MTMR7: variants seen among roughly 807,000 people sequenced by gnomAD.
MTMR7 encodes phosphatidylinositol-3-phosphate phosphatase MTMR7.
MTMR7 carries 76 observed loss-of-function variants against 81.2 expected under a neutral mutation model. That is an observed-to-expected ratio of 0.94 (90% confidence interval 0.78 to 1.13). The LOEUF (loss-of-function observed/expected upper bound fraction) is 1.13, where lower values mean the gene tolerates loss of function less well. MTMR7 is among the 50% of genes most tolerant of loss of function. The pLI, the probability that MTMR7 is intolerant of heterozygous loss-of-function variation, is 0.00. For synonymous variants in MTMR7, 372 were observed against 289.8 expected (o/e 1.28, Z -2.88); for missense variants, 1,044 against 820.0 (o/e 1.27, Z -3.34).
At chr8:17,308,591 TA>T (rs1391419726) in intron 10 of MTMR7, among the ~76,000 whole-genome samples, 1 of 152,208 alleles carries the variant, frequency 6.6e-6, no homozygotes, top group African/African-American at 2.4e-5. Flanking sequence ...ATTTAAATTT[TA>T]TCACCAAAGA....
intron 6 of MTMR7, among the ~76,000 whole-genome samples, chr8:17,336,269 G>C (rs1262291664): frequency 6.6e-6 from 1 of 152,084 alleles, no homozygotes; most frequent in Admixed American, 6.5e-5. Context: ...CGGCGGCTGA[G>C]CCCTTTTAGG....
chr8:17,317,684 C>T (rs963280530), intron 7 of MTMR7, among the ~76,000 whole-genome samples: 11 of 152,120 alleles, frequency 7.2e-5, no homozygotes, highest in East Asian at 1.9e-4. Flanking sequence ...TGCAAACATT[C>T]GGCTACTACT....
At chr8:17,353,462 A>C (rs549532054) in intron 4 of MTMR7, among the ~76,000 whole-genome samples, 1 of 152,346 alleles carries the variant, frequency 6.6e-6, no homozygotes, top group African/African-American at 2.4e-5. Context: ...CAATGAAAAA[A>C]GAAAAGGGAA....
intron 3 of MTMR7, among the ~76,000 whole-genome samples, chr8:17,364,592 C>T (rs1820166790): frequency 1.3e-5 from 2 of 152,144 alleles, no homozygotes; most frequent in African/African-American, 2.4e-5. Flanking sequence ...CCACCCCCAG[C>T]CTCTGGTAAC....
At chr8:17,332,560 A>C (rs996019604) in intron 6 of MTMR7, among the ~76,000 whole-genome samples, 1 of 152,180 alleles carries the variant, frequency 6.6e-6, no homozygotes, top group African/African-American at 2.4e-5. Flanking sequence ...AGCCCATTGG[A>C]AGTTGAAAAT....
At chr8:17,388,635 C>T (rs1821015687) in intron 1 of MTMR7, among the ~76,000 whole-genome samples, 1 of 152,198 alleles carries the variant, frequency 6.6e-6, no homozygotes. Flanking sequence ...ACGAAACCAT[C>T]TACTTATATA....
chr8:17,303,735 G>A (rs7816975), intron 12 of MTMR7, among the ~76,000 whole-genome samples: 35,797 of 151,590 alleles, frequency 0.24, 6,273 homozygotes, highest in East Asian at 0.6. Flanking sequence ...TCAGCCTCCC[G>A]AGTAGCTAGG....
At chr8:17,358,543 C>T (rs1405595695) in intron 4 of MTMR7, among the ~76,000 whole-genome samples, 1 of 152,054 alleles carries the variant, frequency 6.6e-6, no homozygotes, top group Non-Finnish European at 1.5e-5. Flanking sequence ...AAATTTCACA[C>T]CTAAATAATA....
At chr8:17,360,033 G>A (rs1454897964) in intron 4 of MTMR7, among the ~76,000 whole-genome samples, 1 of 152,130 alleles carries the variant, frequency 6.6e-6, no homozygotes, top group Non-Finnish European at 1.5e-5. Context: ...GAGTAATGAC[G>A]ATCTAAATGT....
chr8:17,339,448 C>T (rs1273915963), intron 6 of MTMR7, among the ~76,000 whole-genome samples: 1 of 152,194 alleles, frequency 6.6e-6, no homozygotes, highest in Non-Finnish European at 1.5e-5. Context: ...TCCCCCAGCC[C>T]TCGGCAACCA....
intron 2 of MTMR7, 29 bp downstream of exon 2, chr8:17,373,089 A>T: frequency 1.9e-6 from 3 of 1,610,542 alleles, no homozygotes; most frequent in Non-Finnish European, 2.5e-6. Flanking sequence ...AACGCAAAAC[A>T]AGGAAAGCTA....
At chr8:17,382,603 A>G (rs1820793423) in intron 1 of MTMR7, among the ~76,000 whole-genome samples, 1 of 152,124 alleles carries the variant, frequency 6.6e-6, no homozygotes, top group South Asian at 2.1e-4. Flanking sequence ...GCAATCTTTA[A>G]TGTTGATATT....
chr8:17,369,165 TCTC>T lies in MTMR7; in HGVS notation c.310+1869_310+1871del, dbSNP rs548074859. 6.0e-4 allele frequency among the ~76,000 whole-genome samples: 92 copies of T among 152,300 alleles called. 1 individual carries two copies. The highest frequency in any genetic ancestry group is 5.3e-3 in the Admixed American group (81 of 15,300). On this transcript the variant is annotated intron_variant, in intron 3 of 13. Transcript: ENST00000180173. ...GACACAGAAACTGTTAGCACAGAAT[TCTC>T]CTCACATTATCTGCTGCGTGCAACC...
At chr8:17,323,776 T>C (rs746420825) in intron 7 of MTMR7, among the ~76,000 whole-genome samples, 10 of 152,166 alleles carry the variant, frequency 6.6e-5, no homozygotes, top group Non-Finnish European at 1.5e-4. Flanking sequence ...CCTAGAGCCT[T>C]ATGGAGAAAG....
intron 3 of MTMR7, among the ~76,000 whole-genome samples, chr8:17,366,887 A>AAAAAAAAAAAACTAAC (rs1820243244): frequency 6.8e-6 from 1 of 146,038 alleles, no homozygotes; most frequent in Admixed American, 6.9e-5. Context: ...CTCCATCTCA[A>AAAAAAAAAAAACTAAC]AAAAAAAAAA....
chr8:17,297,112 AAAATG>A lies in MTMR7; in HGVS notation c.*2745_*2749del, dbSNP rs1258779750. 2.0e-5 allele frequency: 3 copies of A among 152,216 alleles called. No homozygotes were observed. Among genetic ancestry groups the A allele is most frequent in the Non-Finnish European group, 4.4e-5 (3 of 68,014 alleles). The allele number at this position is 152,216 out of a possible 1,614,324, so 9.4% of individuals were successfully genotyped here. On this transcript the variant is annotated 3_prime_UTR_variant, in exon 14 of 14. Transcript: ENST00000180173. ...ACATCGGAGAAGCAGTGCCACAGGA[AAAATG>A]AAATGCATGTGAAAGTTTGTATTCT... is the stretch of plus-strand genomic sequence containing the variant.
At chr8:17,350,493 A>T (rs1001141679) in intron 4 of MTMR7, among the ~76,000 whole-genome samples, 2 of 152,162 alleles carry the variant, frequency 1.3e-5, no homozygotes, top group African/African-American at 4.8e-5. Flanking sequence ...ACACCATGGG[A>T]AAGACCAGCT....
chr8:17,330,696 T>C (rs989226797), intron 7 of MTMR7, among the ~76,000 whole-genome samples: 1 of 152,220 alleles, frequency 6.6e-6, no homozygotes, highest in African/African-American at 2.4e-5. Flanking sequence ...ATGTGTATTG[T>C]GGTGGCTGCT....
chr8:17,406,508 A>C (rs2150587283), intron 1 of MTMR7, among the ~76,000 whole-genome samples: 1 of 152,324 alleles, frequency 6.6e-6, no homozygotes, highest in South Asian at 2.1e-4. Context: ...TGATATGGAA[A>C]AACTGGAACC....
Sources: allele counts gnomAD v4.1 joint callset (sites outside exome capture counted in the v4.1 genomes callset), GRCh38; gene constraint gnomAD v4.1.1; transcripts MANE v1.5; gene names NCBI Gene and HGNC (gene_info 2026-07-23, HGNC 2026-07-21).